CCDC102B: variants seen among roughly 807,000 people sequenced by gnomAD.
CCDC102B encodes the protein coiled-coil domain containing 102B, also known as coiled-coil domain-containing protein 102B.
A neutral mutation model predicts 57.4 loss-of-function variants in CCDC102B; 75 were observed. The observed-to-expected ratio is 1.31, with a 90% CI of 1.08 to 1.58. The LOEUF (loss-of-function observed/expected upper bound fraction) is 1.58, where lower values mean the gene tolerates loss of function less well. Among genes scored for constraint, CCDC102B ranks in the 40% most tolerant of loss-of-function variants. CCDC102B has a pLI of 0.00. For synonymous variants in CCDC102B, 206 were observed against 201.9 expected, an observed-to-expected ratio of 1.02 and a Z score of -0.17; for missense variants, 636 against 582.6, an observed-to-expected ratio of 1.09 and a Z score of -0.94.
At chr18:68,728,629 A>T (rs1220484903) in intron 2 of CCDC102B, among the ~76,000 whole-genome samples, 1 of 152,192 alleles carries the variant, frequency 6.6e-6, no homozygotes, top group Non-Finnish European at 1.5e-5. Context: ...CTCATGATTT[A>T]CATCAATGTG....
intron 6 of CCDC102B, among the ~76,000 whole-genome samples, chr18:68,929,433 T>C (rs2041590836): frequency 6.6e-6 from 1 of 151,974 alleles, no homozygotes; most frequent in Admixed American, 6.6e-5. Flanking sequence ...GTCTTTGCAT[T>C]CGTTTTACTG....
At chr18:68,982,373 TA>T (rs2050611592) in intron 6 of CCDC102B, among the ~76,000 whole-genome samples, 1 of 151,996 alleles carries the variant, frequency 6.6e-6, no homozygotes, top group Non-Finnish European at 1.5e-5. Context: ...ACTCTACCCT[TA>T]ACTATCCTTC....
intron 1 of CCDC102B, among the ~76,000 whole-genome samples, chr18:68,808,422 C>T (rs2036110887): frequency 1.4e-5 from 2 of 144,850 alleles, no homozygotes; most frequent in African/African-American, 5.0e-5. Flanking sequence ...AATAAAATAA[C>T]ATTTGGTTTT....
chr18:68,758,916 T>A (rs1312043915), intron 2 of CCDC102B, among the ~76,000 whole-genome samples: 7 of 139,542 alleles, frequency 5.0e-5, no homozygotes, highest in South Asian at 2.2e-4. Context: ...ACAAGCAAAA[T>A]CTATAAAGAG....
intron 1 of CCDC102B, among the ~76,000 whole-genome samples, chr18:68,822,076 G>A (rs1329204188): frequency 6.6e-6 from 1 of 152,110 alleles, no homozygotes; most frequent in Non-Finnish European, 1.5e-5. Context: ...GTAGTTTTCT[G>A]AGAATTGAGT....
At position 68,874,746 on chromosome 18, in the gene CCDC102B, A is replaced by G; in HGVS notation, c.1014A>G (p.Gln338=). 1 of 1,611,528 alleles carries G rather than the reference A, an allele frequency of 6.2e-7. No homozygotes were observed. The highest frequency in any genetic ancestry group is 8.5e-7 in the Non-Finnish European group (1 of 1,177,954). ...ATATAAAGGAAGAATCCAAATCTCA[A>G]AACAGCAAAGACAGAGTGATTTGTG... ...SGNIKEESKS[Q]NSKDRVICEL... The change falls in exon 5 of 8, where the codon CAA becomes CAG. Residue 338 remains glutamine, a synonymous_variant. Coordinates refer to ENST00000360242, the MANE Select transcript of CCDC102B (RefSeq NM_024781.3).
At chr18:68,719,689 C>CA (rs780405665) in intron 2 of CCDC102B, among the ~76,000 whole-genome samples, 4 of 152,218 alleles carry the variant, frequency 2.6e-5, no homozygotes, top group Non-Finnish European at 5.9e-5. Context: ...TCCTCATAGA[C>CA]ACGCCTAGAA....
rs958402164 is a variant in CCDC102B at position 68,848,052 on chromosome 18, TAAAC to T, written c.936+1638_936+1641del. ...GAAATTTTTAAAAATGTTTAAAAAC[TAAAC>T]AAACAATACTACTTAGAATGAGTTT... On this transcript the variant is annotated intron_variant, in intron 4 of 7. Coordinates refer to ENST00000360242, the MANE Select transcript of CCDC102B (RefSeq NM_024781.3). Among the ~76,000 whole-genome samples, 7 of 151,800 alleles carry T rather than the reference TAAAC, an allele frequency of 4.6e-5. No homozygotes were observed. In the East Asian group the frequency reaches 9.6e-4, roughly 21 times the overall value.
intron 7 of CCDC102B, among the ~76,000 whole-genome samples, chr18:69,014,005 G>A (rs1485736508): frequency 6.6e-6 from 1 of 152,170 alleles, no homozygotes; most frequent in East Asian, 1.9e-4. Flanking sequence ...AACAAAAATA[G>A]TGTAGGGATA....
intron 2 of CCDC102B, among the ~76,000 whole-genome samples, chr18:68,785,469 C>G (rs1421294824): frequency 1.3e-5 from 2 of 151,630 alleles, no homozygotes; most frequent in African/African-American, 4.8e-5. Flanking sequence ...TCCTATTTCT[C>G]CACATCCTCT....
At chr18:68,971,343 A>T (rs1487214902) in intron 6 of CCDC102B, among the ~76,000 whole-genome samples, 1 of 152,068 alleles carries the variant, frequency 6.6e-6, no homozygotes, top group Non-Finnish European at 1.5e-5. Context: ...ACTTTTTACA[A>T]TTTCCCTCTT....
chr18:68,801,859 A>G (rs1054591927), intron 1 of CCDC102B, among the ~76,000 whole-genome samples: 1 of 152,180 alleles, frequency 6.6e-6, no homozygotes, highest in Non-Finnish European at 1.5e-5. Context: ...AGGATTGTGA[A>G]GGCATTAGGT....
chr18:68,772,513 T>C (rs2034673597), intron 2 of CCDC102B, among the ~76,000 whole-genome samples: 1 of 152,082 alleles, frequency 6.6e-6, no homozygotes, highest in Non-Finnish European at 1.5e-5. Context: ...TGGCCAACTT[T>C]CTGTTTTGCT....
At chr18:69,009,924 A>ATTTTTTTTTTT (rs770668683) in intron 6 of CCDC102B, among the ~76,000 whole-genome samples, 1,018 of 33,496 alleles carry the variant, frequency 0.03, 359 homozygotes, top group South Asian at 0.058. Context: ...TTTAATAAAG[A>ATTTTTTTTTTT]TTTTTTTTTT....
At chr18:68,728,680 G>A (rs946152320) in intron 2 of CCDC102B, among the ~76,000 whole-genome samples, 3 of 152,088 alleles carry the variant, frequency 2.0e-5, no homozygotes, top group Non-Finnish European at 4.4e-5. Context: ...TATCCTGCTC[G>A]AGATGTTGAG....
intron 2 of CCDC102B, among the ~76,000 whole-genome samples, chr18:68,765,045 T>TTAAGTAAATAAA (rs1555698285): frequency 7.9e-6 from 1 of 127,098 alleles, no homozygotes; most frequent in Non-Finnish European, 1.6e-5. Context: ...AAACCCTCTC[T>TTAAGTAAATAAA]TAAATAAATA....
chr18:69,052,753 A>G (rs765377206), intron 7 of CCDC102B, among the ~76,000 whole-genome samples: 7 of 151,872 alleles, frequency 4.6e-5, no homozygotes, highest in African/African-American at 7.2e-5. Flanking sequence ...CGGATTCCAC[A>G]TTATTGGAAT....
Position 69,015,409 on chromosome 18 carries a change from A to T in CCDC102B, c.1434+4305A>T, listed in dbSNP as rs1305221701. ...CTGTTTCGGATAGTTAGGAAAAACA[A>T]TCTTAATCATGAAAATAAAATTTTA... is the stretch of plus-strand genomic sequence containing the variant. On this transcript the variant is annotated intron_variant, in intron 7 of 7. Coordinates refer to ENST00000360242, the MANE Select transcript of CCDC102B (RefSeq NM_024781.3). 2.0e-5 allele frequency among the ~76,000 whole-genome samples: 3 copies of T among 152,328 alleles called. No individual in the cohort carries two copies. In the East Asian group the frequency reaches 5.8e-4, roughly 29 times the overall value.
At chr18:68,971,174 AT>A (rs967369068) in intron 6 of CCDC102B, among the ~76,000 whole-genome samples, 7 of 151,850 alleles carry the variant, frequency 4.6e-5, no homozygotes, top group African/African-American at 1.7e-4. Context: ...GACTAGCTCT[AT>A]TTTTTTCATA....
Sources: allele counts gnomAD v4.1 joint callset (sites outside exome capture counted in the v4.1 genomes callset), GRCh38; gene constraint gnomAD v4.1.1; transcripts MANE v1.5; gene names NCBI Gene and HGNC (gene_info 2026-07-23, HGNC 2026-07-21).